The following MCU variants were observed in gnomAD, a reference collection of about 807,000 sequenced individuals.
The protein encoded by MCU is calcium uniporter protein, mitochondrial.
A neutral mutation model predicts 45.2 loss-of-function variants in MCU; 12 were observed. The ratio of observed to expected loss-of-function variants is 0.27; its 90% CI spans 0.17 to 0.43. The LOEUF is 0.43. Ranked by LOEUF, MCU falls within the 20% of genes least tolerant of loss-of-function variation. MCU has a pLI of 1.00. For missense variants in MCU, 324 were observed against 436.7 expected, an observed-to-expected ratio of 0.74 and a Z score of 2.30; for synonymous variants, 160 against 165.1, an observed-to-expected ratio of 0.97 and a Z score of 0.24.
chr10:72,732,959 T>C (rs1843195911), intron 1 of MCU, among the ~76,000 whole-genome samples: 1 of 152,210 alleles, frequency 6.6e-6, no homozygotes, highest in Non-Finnish European at 1.5e-5. Flanking sequence ...AATCTTTCAC[T>C]AAGAGCATTT....
intron 1 of MCU, among the ~76,000 whole-genome samples, chr10:72,702,962 G>C (rs1226556588): frequency 7.1e-6 from 1 of 141,028 alleles, no homozygotes; most frequent in Non-Finnish European, 1.5e-5. Context: ...TGGACAACAA[G>C]AACGAAACTG....
At chr10:72,873,996 A>C (rs970857071) in intron 6 of MCU, among the ~76,000 whole-genome samples, 1 of 152,158 alleles carries the variant, frequency 6.6e-6, no homozygotes, top group African/African-American at 2.4e-5. Flanking sequence ...TATTTTGCTT[A>C]CTGTAGCTTT....
At chr10:72,861,786 C>T (rs189095618) in intron 4 of MCU, 14 of 287,492 alleles carry the variant, frequency 4.9e-5, no homozygotes, top group East Asian at 1.5e-4. Flanking sequence ...CGTGAGTCAC[C>T]GCACCCAGCA....
At chr10:72,715,860 G>A (rs906067409) in intron 1 of MCU, 116 of 985,442 alleles carry the variant, frequency 1.2e-4, no homozygotes, top group Non-Finnish European at 1.4e-4. Context: ...TTAGGTATTG[G>A]TGATGTGACC....
At chr10:72,734,691 G>A (rs1022677959) in intron 1 of MCU, among the ~76,000 whole-genome samples, 5 of 151,964 alleles carry the variant, frequency 3.3e-5, no homozygotes, top group Non-Finnish European at 2.9e-5. Flanking sequence ...ATGGCTCACC[G>A]CAGCCTTGAC....
At chr10:72,814,987 G>A (rs1303371732) in intron 1 of MCU, among the ~76,000 whole-genome samples, 1 of 152,164 alleles carries the variant, frequency 6.6e-6, no homozygotes, top group Non-Finnish European at 1.5e-5. Context: ...TAACAACAAA[G>A]AGTAAATGTA....
At chr10:72,781,300 CTT>C (rs1299984521) in intron 1 of MCU, among the ~76,000 whole-genome samples, 2 of 152,238 alleles carry the variant, frequency 1.3e-5, no homozygotes. Context: ...TCATCATACT[CTT>C]AGCCTGGGCT....
intron 1 of MCU, among the ~76,000 whole-genome samples, chr10:72,703,451 G>C (rs1820694858): frequency 6.6e-6 from 1 of 152,170 alleles, no homozygotes; most frequent in Admixed American, 6.5e-5. Context: ...CTTAACCACT[G>C]TTTCTGTGGT....
chr10:72,702,290 A>AT (rs370141132), intron 1 of MCU, among the ~76,000 whole-genome samples: 30 of 152,258 alleles, frequency 2.0e-4, no homozygotes, highest in African/African-American at 6.5e-4. Flanking sequence ...AAAGAAAAAA[A>AT]TAAGTCCCAT....
chr10:72,885,624 A>G (rs771664347), intron 7 of MCU, 121 bp from the exon 8 acceptor site: 42 of 661,820 alleles, frequency 6.3e-5, no homozygotes, highest in Non-Finnish European at 1.0e-4. Flanking sequence ...TCTTATTTTG[A>G]GAGTTATTGA....
At chr10:72,710,081 T>C (rs1302069406) in intron 1 of MCU, among the ~76,000 whole-genome samples, 1 of 152,182 alleles carries the variant, frequency 6.6e-6, no homozygotes, top group African/African-American at 2.4e-5. Context: ...GTTCAAGCAA[T>C]TCTCCTGCCT....
chr10:72,767,295 T>C (rs1843741775), intron 1 of MCU, among the ~76,000 whole-genome samples: 1 of 152,122 alleles, frequency 6.6e-6, no homozygotes, highest in Non-Finnish European at 1.5e-5. Context: ...CTAGGAAAGG[T>C]CTTAGCTGCA....
intron 1 of MCU, among the ~76,000 whole-genome samples, chr10:72,828,162 T>C (rs1844825310): frequency 6.6e-6 from 1 of 152,146 alleles, no homozygotes; most frequent in African/African-American, 2.4e-5. Context: ...AGAAAAGAAA[T>C]TTTTGGAACA....
chr10:72,776,951 G>C (rs9888052), intron 1 of MCU, among the ~76,000 whole-genome samples: 6,103 of 152,120 alleles, frequency 0.04, 408 homozygotes, highest in African/African-American at 0.14. Flanking sequence ...AATCAAGAAA[G>C]CAATCCCACT....
At chr10:72,881,069 G>T (rs1845694078) in intron 6 of MCU, among the ~76,000 whole-genome samples, 1 of 152,094 alleles carries the variant, frequency 6.6e-6, no homozygotes, top group East Asian at 1.9e-4. Context: ...TCTTGAGGCT[G>T]CATTGAGCTA....
At chr10:72,753,321 A>T (rs1027902268) in intron 1 of MCU, among the ~76,000 whole-genome samples, 1 of 152,226 alleles carries the variant, frequency 6.6e-6, no homozygotes, top group South Asian at 2.1e-4. Flanking sequence ...ATTCCATCAT[A>T]TTAATACATT....
chr10:72,766,969 A>G lies in MCU; in HGVS notation c.151-67390A>G, dbSNP rs180878679. ...AATCAACTTTAACGAATTTAAACCTATTTTAAGTGTACAAGTAATAAGTTT... is the reference window on the plus strand; with the variant it reads ...AATCAACTTTAACGAATTTAAACCTGTTTTAAGTGTACAAGTAATAAGTTT... On this transcript the variant is annotated intron_variant, in intron 1 of 7. Coordinates refer to ENST00000373053, the MANE Select transcript of MCU (RefSeq NM_138357.3). 2.4e-3 allele frequency: 372 copies of G among 152,270 alleles called. 1 individual carries two copies. The highest frequency in any genetic ancestry group is 8.5e-3 in the African/African-American group (352 of 41,558). 9.4% of individuals were successfully genotyped at this position (152,270 alleles called of 1,614,324 possible).
intron 2 of MCU, among the ~76,000 whole-genome samples, chr10:72,841,847 T>TTTAAAATC (rs1247592450): frequency 1.3e-5 from 2 of 152,202 alleles, no homozygotes; most frequent in East Asian, 3.8e-4. Context: ...AGGATAAAAA[T>TTTAAAATC]TTAAAATCTT....
intron 4 of MCU, among the ~76,000 whole-genome samples, chr10:72,866,445 T>C (rs1017682809): frequency 9.2e-5 from 14 of 152,212 alleles, no homozygotes; most frequent in Non-Finnish European, 1.8e-4. Context: ...GTTTTGAGGC[T>C]GGAGTACAGT....
Sources: gnomAD v4.1 joint callset for allele counts (sites outside exome capture counted in the v4.1 genomes callset) on GRCh38, gnomAD v4.1.1 for gene constraint, MANE v1.5 for transcripts, NCBI Gene and HGNC (gene_info 2026-07-23, HGNC 2026-07-21) for gene names.